The following MEGF9 variants were observed in gnomAD, a reference collection of about 807,000 sequenced individuals.
MEGF9 encodes multiple epidermal growth factor-like domains protein 9.
Under a neutral mutation model 46.8 loss-of-function variants are expected in MEGF9, and 6 were observed. That is an observed-to-expected ratio of 0.13 (90% confidence interval 0.07 to 0.25). MEGF9 has a LOEUF of 0.25. Ranked by LOEUF, MEGF9 falls within the 10% of genes least tolerant of loss-of-function variation. The pLI is 1.00. For synonymous variants in MEGF9, 302 were observed against 330.7 expected (o/e 0.91, Z 0.94); for missense variants, 683 against 792.4 (o/e 0.86, Z 1.66).
chr9:120,667,322 C>T (rs147268419), intron 1 of MEGF9, among the ~76,000 whole-genome samples: 137 of 152,294 alleles, frequency 9.0e-4, no homozygotes, highest in African/African-American at 3.1e-3. Context: ...ATTTAAAATG[C>T]TATTTTACTA....
At chr9:120,657,953 T>C (rs1276526511) in intron 2 of MEGF9, among the ~76,000 whole-genome samples, 4 of 152,136 alleles carry the variant, frequency 2.6e-5, no homozygotes, top group African/African-American at 9.7e-5. Context: ...TATTGCTGCA[T>C]TTGAAATTAT....
At chr9:120,677,134 T>C (rs2043776642) in intron 1 of MEGF9, among the ~76,000 whole-genome samples, 1 of 151,982 alleles carries the variant, frequency 6.6e-6, no homozygotes. Flanking sequence ...TGAGTGTGTG[T>C]GTGTGTGTGT....
intron 1 of MEGF9, among the ~76,000 whole-genome samples, chr9:120,684,890 G>C (rs1276050481): frequency 2.0e-5 from 3 of 151,190 alleles, no homozygotes; most frequent in Admixed American, 6.6e-5. Flanking sequence ...CTGGAGTGCA[G>C]TGGCACGATC....
intron 1 of MEGF9, among the ~76,000 whole-genome samples, chr9:120,671,462 A>G (rs1287601144): frequency 6.6e-6 from 1 of 152,180 alleles, no homozygotes; most frequent in African/African-American, 2.4e-5. Flanking sequence ...AGAATGAAGG[A>G]GAAGACATCA....
rs569113756 is a variant in MEGF9, at chr9:120,604,286, C to G, written c.*904G>C. The G allele has an allele frequency of 1.2e-4, 19 of 152,296 alleles. No individual in the cohort carries two copies. Among genetic ancestry groups the G allele is most frequent in the Non-Finnish European group, 1.9e-4 (13 of 68,032 alleles). The allele number at this position is 152,296 out of a possible 1,614,324, so 9.4% of individuals were successfully genotyped here. A position where few individuals can be genotyped will look rare whatever the true frequency, so the allele number is the denominator to read the frequency against. On this transcript the variant is annotated 3_prime_UTR_variant, in exon 6 of 6. Transcript: ENST00000373930. ...AAAATGACGGATGCTCACCAGAGTC[C>G]CAGCTCTAGCAATATTGCCATCTAT...
At chr9:120,611,883 G>GAGAGAGAGAGAA (rs1242135307) in intron 4 of MEGF9, among the ~76,000 whole-genome samples, 1 of 150,276 alleles carries the variant, frequency 6.7e-6, no homozygotes. Context: ...GAGAGAGAGA[G>GAGAGAGAGAGAA]AGAAAGAAAG....
rs147173620 is a variant in MEGF9, at chr9:120,681,174, G to A, written c.602-21599C>T. Among the ~76,000 whole-genome samples, 11 of 151,156 alleles carry A rather than the reference G, an allele frequency of 7.3e-5. No individual in the cohort carries two copies. The East Asian group carries it at 9.9e-4, about 14-fold the overall frequency. ...GAAGCCAGCACATCTCAGAGCCCAC[G>A]GCCCCACAGTGTCCTCCCTGGCTAC... On this transcript the variant is annotated intron_variant, in intron 1 of 5. Coordinates refer to ENST00000373930, the MANE Select transcript of MEGF9 (RefSeq NM_001080497.3).
chr9:120,623,037 T>C (rs756598992), intron 2 of MEGF9, among the ~76,000 whole-genome samples: 2 of 152,232 alleles, frequency 1.3e-5, no homozygotes, highest in Non-Finnish European at 2.9e-5. Context: ...CAATGAGCTA[T>C]CATTTATTGA....
rs536849712 is a variant in MEGF9, at chr9:120,600,860, G to A, written c.*4330C>T. The A allele has an allele frequency of 9.2e-5, 14 of 152,476 alleles. No individual in the cohort carries two copies. Among genetic ancestry groups the A allele is most frequent in the Admixed American group, 8.5e-4 (13 of 15,284 alleles). The allele number at this position is 152,476 out of a possible 1,614,324, so 9.4% of individuals were successfully genotyped here. On this transcript the variant is annotated 3_prime_UTR_variant, in exon 6 of 6. Coordinates refer to ENST00000373930, the MANE Select transcript of MEGF9 (RefSeq NM_001080497.3). ...AGTGGGCTGAAAGTAAATGATCCTT[G>A]GCATGTATTTGAAGACATGAAACAA...
chr9:120,673,439 A>C (rs1043742154), intron 1 of MEGF9, among the ~76,000 whole-genome samples: 1 of 152,186 alleles, frequency 6.6e-6, no homozygotes, highest in African/African-American at 2.4e-5. Flanking sequence ...TATAGTAATC[A>C]AGACATGGTG....
intron 2 of MEGF9, among the ~76,000 whole-genome samples, chr9:120,650,787 T>C (rs186114994): frequency 1.4e-4 from 22 of 152,266 alleles, no homozygotes; most frequent in Admixed American, 3.9e-4. Flanking sequence ...TCTTATGTCA[T>C]TGTATAATCA....
At chr9:120,686,398 G>T (rs1564427905) in intron 1 of MEGF9, among the ~76,000 whole-genome samples, 1 of 152,204 alleles carries the variant, frequency 6.6e-6, no homozygotes, top group Non-Finnish European at 1.5e-5. Flanking sequence ...TTATTTAATG[G>T]ATACAGAGTT....
At chr9:120,633,793 C>T (rs763158487) in intron 2 of MEGF9, among the ~76,000 whole-genome samples, 2 of 151,960 alleles carry the variant, frequency 1.3e-5, no homozygotes, top group African/African-American at 4.8e-5. Flanking sequence ...TGGGATGTTG[C>T]GTTTCTATTT....
intron 2 of MEGF9, among the ~76,000 whole-genome samples, chr9:120,625,853 A>AAAAAAGAAAG (rs2043523008): frequency 9.4e-6 from 1 of 106,062 alleles, no homozygotes; most frequent in African/African-American, 3.4e-5. Context: ...AAAAAAAAAA[A>AAAAAAGAAAG]AAAGAAAGAA....
intron 2 of MEGF9, among the ~76,000 whole-genome samples, chr9:120,631,487 AT>A (rs35207016): frequency 1.7e-3 from 247 of 145,998 alleles, no homozygotes; most frequent in East Asian, 0.011. Context: ...ATTTGATTGC[AT>A]TTTTTTTTTT....
chr9:120,601,820 C>G lies in MEGF9; in HGVS notation c.*3370G>C, dbSNP rs1003479260. 1 of 152,144 alleles carries G rather than the reference C, an allele frequency of 6.6e-6. No individual in the cohort carries two copies. 9.4% of individuals were successfully genotyped at this position (152,144 alleles called of 1,614,324 possible). ...GGGAGTAAGGGAGGACACGGACATA[C>G]TTAACACTACCTAGGGCACCTAACC... is the stretch of plus-strand genomic sequence containing the variant. On this transcript the variant is annotated 3_prime_UTR_variant, in exon 6 of 6. Coordinates refer to ENST00000373930, the MANE Select transcript of MEGF9 (RefSeq NM_001080497.3).
chr9:120,677,846 T>C (rs1007950837), intron 1 of MEGF9, among the ~76,000 whole-genome samples: 6 of 152,216 alleles, frequency 3.9e-5, no homozygotes, highest in African/African-American at 1.4e-4. Flanking sequence ...TGCCACTTAG[T>C]AAGAGTTAAT....
At chr9:120,628,347 A>T (rs564526184) in intron 2 of MEGF9, among the ~76,000 whole-genome samples, 1 of 152,274 alleles carries the variant, frequency 6.6e-6, no homozygotes, top group Admixed American at 6.5e-5. Context: ...GAGGAAAAAA[A>T]GGATAGCTTT....
At chr9:120,661,668 C>T (rs2043702422) in intron 1 of MEGF9, among the ~76,000 whole-genome samples, 1 of 152,214 alleles carries the variant, frequency 6.6e-6, no homozygotes, top group African/African-American at 2.4e-5. Context: ...CTTCCCATTA[C>T]AATCAAGATT....
Sources: gnomAD v4.1 joint callset for allele counts (sites outside exome capture counted in the v4.1 genomes callset) on GRCh38, gnomAD v4.1.1 for gene constraint, MANE v1.5 for transcripts, NCBI Gene and HGNC (gene_info 2026-07-23, HGNC 2026-07-21) for gene names.